CASZ1: variants seen among roughly 807,000 people sequenced by gnomAD.
The protein encoded by CASZ1 is castor zinc finger 1, also known as zinc finger protein castor homolog 1.
In CASZ1, 28 loss-of-function variants were observed where a neutral mutation model predicts 135.2. That is an observed-to-expected ratio of 0.21 (90% CI 0.15 to 0.28). The LOEUF is 0.28. CASZ1 is among the 10% of genes least tolerant of loss of function. CASZ1 has a pLI of 1.00. For missense variants in CASZ1, 2,161 were observed against 2,453.3 expected, an observed-to-expected ratio of 0.88 and a Z score of 2.52; for synonymous variants, 1,068 against 1,073.4, an observed-to-expected ratio of 0.99 and a Z score of 0.10.
In CASZ1 at chr1:10,653,996, A is replaced by G. The variant is rs1400377583; in HGVS notation, c.2061T>C (p.Ser687=). 1.9e-6 allele frequency: 3 copies of G among 1,613,968 alleles called. No individual in the cohort carries two copies. Among genetic ancestry groups the G allele is most frequent in the Admixed American group, 1.7e-5 (1 of 59,998 alleles). ...FTFTSTSQMT[S]HKRKHERRHI... is the part of the protein sequence containing the mutation. ...GCCGGCGCTCATGCTTGCGCTTGTGAGAGGTCATCTGGCTGGTGGAGGTGA... is the reference window on the plus strand; with the variant it reads ...GCCGGCGCTCATGCTTGCGCTTGTGGGAGGTCATCTGGCTGGTGGAGGTGA... Residue 687 remains serine, a synonymous_variant, in exon 11 of 21, where the codon TCT becomes TCC. Transcript: ENST00000377022.
rs771392512 is a variant in CASZ1 at position 10,757,025 on chromosome 1, G to C, written c.-77+3676C>G. On this transcript the variant is annotated intron_variant, in intron 2 of 20. Coordinates refer to ENST00000377022, the MANE Select transcript of CASZ1 (RefSeq NM_001079843.3). The surrounding 1 kb of genome is among the most constrained non-coding windows in gnomAD (Gnocchi z 4.6). ...CTTCAGTGCAGAGCCAGGGCTGAAA[G>C]GATAGTGTGTGTCCTGGCCTGCTCC... is the stretch of plus-strand genomic sequence containing the variant. Among the ~76,000 whole-genome samples the C allele has an allele frequency of 1.3e-5, 2 of 152,196 alleles. No individual in the cohort carries two copies. The highest frequency in any genetic ancestry group is 2.9e-5 in the Non-Finnish European group (2 of 68,036).
At chr1:10,779,417 T>G (rs1640722093) in intron 1 of CASZ1, among the ~76,000 whole-genome samples, 1 of 152,070 alleles carries the variant, frequency 6.6e-6, no homozygotes, top group African/African-American at 2.4e-5. Context: ...TTTCTGTGGC[T>G]GGCACAGCCG....
At chr1:10,683,162 G>A (rs1198950957) in intron 4 of CASZ1, among the ~76,000 whole-genome samples, 1 of 152,176 alleles carries the variant, frequency 6.6e-6, no homozygotes, top group Admixed American at 6.5e-5. Context: ...CTCTGAGCGT[G>A]CTTTCCTGGG....
At chr1:10,787,516 G>A (rs1304336962) in intron 1 of CASZ1, among the ~76,000 whole-genome samples, 1 of 152,214 alleles carries the variant, frequency 6.6e-6, no homozygotes, top group Non-Finnish European at 1.5e-5. Context: ...CGGGGGCGAG[G>A]GGGGCGGGCG....
chr1:10,740,684 C>T (rs1372715721), intron 2 of CASZ1, among the ~76,000 whole-genome samples: 1 of 152,192 alleles, frequency 6.6e-6, no homozygotes, highest in Non-Finnish European at 1.5e-5. Flanking sequence ...CACAATCGCT[C>T]ATGCCTGTAA....
At chr1:10,738,928 T>TTG (rs1639857485) in intron 2 of CASZ1, among the ~76,000 whole-genome samples, 1 of 149,234 alleles carries the variant, frequency 6.7e-6, no homozygotes, top group African/African-American at 2.5e-5. Flanking sequence ...GTTTTTTTTT[T>TTG]TTTTTTTTTT....
chr1:10,770,602 G>A (rs1159695913), intron 1 of CASZ1, among the ~76,000 whole-genome samples: 8 of 152,222 alleles, frequency 5.3e-5, no homozygotes, highest in Admixed American at 5.2e-4. Flanking sequence ...GGCCCCCTCT[G>A]TCCTGCATGC....
chr1:10,680,661 T>C (rs1425323938), intron 4 of CASZ1, among the ~76,000 whole-genome samples: 1 of 151,776 alleles, frequency 6.6e-6, no homozygotes, highest in Non-Finnish European at 1.5e-5. Context: ...GGTCAGCGGG[T>C]GGAGAAGGTG....
chr1:10,653,089 A>G, intron 11 of CASZ1: 1 of 472,730 alleles, frequency 2.1e-6, no homozygotes, highest in Non-Finnish European at 3.9e-6. Flanking sequence ...GGGGACCTGC[A>G]GTGGCCCCAG....
chr1:10,640,373 G>T (rs1056550360), intron 20 of CASZ1, among the ~76,000 whole-genome samples: 11 of 152,216 alleles, frequency 7.2e-5, no homozygotes, highest in Non-Finnish European at 1.3e-4. Flanking sequence ...GGGAAGTGAG[G>T]ACACGTCCTG....
chr1:10,783,029 G>A (rs1230153250), intron 1 of CASZ1, among the ~76,000 whole-genome samples: 1 of 152,126 alleles, frequency 6.6e-6, no homozygotes, highest in Admixed American at 6.5e-5. Context: ...TTTTCACGGG[G>A]AAAGGAGCCG....
intron 1 of CASZ1, among the ~76,000 whole-genome samples, chr1:10,780,057 C>T (rs1640735860): frequency 6.6e-6 from 1 of 152,176 alleles, no homozygotes; most frequent in African/African-American, 2.4e-5. Flanking sequence ...ACACGGGTTC[C>T]AGCAGGAGCC....
chr1:10,770,520 G>GGGGTTGCTGGGGTCCC (rs1553142009), intron 1 of CASZ1, among the ~76,000 whole-genome samples: 1 of 152,140 alleles, frequency 6.6e-6, no homozygotes, highest in African/African-American at 2.4e-5. Context: ...AGTGTACGGA[G>GGGGTTGCTGGGGTCCC]GGGTTGCTGG....
chr1:10,647,708 G>A lies in CASZ1; in HGVS notation c.3497+93C>T, dbSNP rs545556239. The A allele has an allele frequency of 1.5e-4, 240 of 1,576,662 alleles. No homozygotes were observed. The African/African-American group carries it at 2.0e-3, about 13-fold the overall frequency. On this transcript the variant is annotated intron_variant, in intron 16 of 20. Coordinates refer to ENST00000377022, the MANE Select transcript of CASZ1 (RefSeq NM_001079843.3). The surrounding 1 kb of genome is among the most constrained non-coding windows in gnomAD (Gnocchi z 4.9). Reference sequence around the variant, plus strand: ...GAGGCTGGGGACAGCAGCACCATCCGCAGTGAGGAACAGGGCCTCCTAGCG... The same window carrying A: ...GAGGCTGGGGACAGCAGCACCATCCACAGTGAGGAACAGGGCCTCCTAGCG...
rs372764506 is a variant in CASZ1, at chr1:10,711,242, C to A, written c.-76-5698G>T. On this transcript the variant is annotated intron_variant, in intron 2 of 20. Coordinates refer to ENST00000377022, the MANE Select transcript of CASZ1 (RefSeq NM_001079843.3). The surrounding 1 kb of genome is among the most constrained non-coding windows in gnomAD (Gnocchi z 4.4). ...GCAATTGGGTACGCAGGCTGCTTAA[C>A]CTCTCCAGGCCCCAGCTTCTTCCAT... Among the ~76,000 whole-genome samples, 40 of 152,360 alleles carry A rather than the reference C, an allele frequency of 2.6e-4. 1 individual carries two copies. The highest frequency in any genetic ancestry group is 1.2e-3 in the East Asian group (6 of 5,194).
chr1:10,702,540 C>T (rs1639082577), intron 3 of CASZ1, among the ~76,000 whole-genome samples: 1 of 152,312 alleles, frequency 6.6e-6, no homozygotes, highest in South Asian at 2.1e-4. Context: ...GTCCCAAGGG[C>T]AGAAGGCCAA....
chr1:10,748,702 G>A (rs916829142), intron 2 of CASZ1, among the ~76,000 whole-genome samples: 3 of 152,128 alleles, frequency 2.0e-5, no homozygotes, highest in African/African-American at 4.8e-5. Flanking sequence ...CTTGCTCCTC[G>A]TCTGGGGTCT....
Position 10,755,521 on chromosome 1 carries a change from G to A in CASZ1, c.-77+5180C>T, listed in dbSNP as rs1200435369. Among the ~76,000 whole-genome samples the A allele has an allele frequency of 3.3e-5, 5 of 152,154 alleles. No homozygotes were observed. The highest frequency in any genetic ancestry group is 4.2e-4 in the South Asian group (2 of 4,804). The stretch of plus-strand genomic sequence containing the variant: ...ATCCTTTGGATCAACTGCGTCACCC[G>A]CCGAGAAGTCCCCCGAGTAGCTCCA... On this transcript the variant is annotated intron_variant, in intron 2 of 20. Transcript: ENST00000377022. The surrounding 1 kb of genome is among the most constrained non-coding windows in gnomAD (Gnocchi z 4.3).
intron 2 of CASZ1, among the ~76,000 whole-genome samples, chr1:10,714,690 C>T (rs555622872): frequency 9.2e-5 from 14 of 152,330 alleles, no homozygotes; most frequent in African/African-American, 2.4e-4. Context: ...CCAGTTTGTC[C>T]GACAACATCC....
Sources: gnomAD v4.1 joint callset for allele counts (sites outside exome capture counted in the v4.1 genomes callset) on GRCh38, gnomAD v4.1.1 for gene constraint, Gnocchi (gnomAD v3.1) non-coding constraint, MANE v1.5 for transcripts, NCBI Gene and HGNC (gene_info 2026-07-23, HGNC 2026-07-21) for gene names.